Variants in AGO2 observed in about 807,000 individuals in gnomAD.
AGO2 encodes argonaute RISC catalytic component 2, also known as protein argonaute-2.
Under a neutral mutation model 102.3 loss-of-function variants are expected in AGO2, and 5 were observed. The ratio of observed to expected loss-of-function variants is 0.05; its 90% CI spans 0.03 to 0.10. AGO2 has a LOEUF of 0.10. Among genes scored for constraint, AGO2 ranks in the 10% least tolerant of loss-of-function variants. The pLI, the probability that AGO2 is intolerant of heterozygous loss-of-function variation, is 1.00. For missense variants in AGO2, 541 were observed against 1,183.7 expected (o/e 0.46, Z 7.97); for synonymous variants, 449 against 473.1 (o/e 0.95, Z 0.66).
At chr8:140,584,136 T>TAAA (rs11361657) in intron 2 of AGO2, among the ~76,000 whole-genome samples, 4 of 116,992 alleles carry the variant, frequency 3.4e-5, no homozygotes, top group African/African-American at 1.0e-4. Context: ...AGAAACTCAG[T>TAAA]AAAAAAAAAA....
At position 140,557,296 on chromosome 8, in the gene AGO2, C is replaced by T. The variant is rs1223709798; in HGVS notation, c.879-60G>A. 1.3e-6 allele frequency: 2 copies of T among 1,528,172 alleles called. No homozygotes were observed. The highest frequency in any genetic ancestry group is 1.8e-6 in the Non-Finnish European group (2 of 1,137,840). The allele number at this position is 1,528,172 out of a possible 1,614,324, so 94.7% of individuals were successfully genotyped here. A position where few individuals can be genotyped will look rare whatever the true frequency, so the allele number is the denominator to read the frequency against. On this transcript the variant is annotated intron_variant, in intron 7 of 18. Transcript: ENST00000220592. The surrounding 1 kb of genome is among the most constrained non-coding windows in gnomAD (Gnocchi z 5.9). ...TCCCGGAGCCCCTTCCCCTGCGCTG[C>T]TTTTCATTTGCGTTTGCTTTTTAGG...
chr8:140,579,380 G>T (rs78212162), intron 2 of AGO2, among the ~76,000 whole-genome samples: 26,365 of 152,068 alleles, frequency 0.17, 3,015 homozygotes, highest in Admixed American at 0.35. Flanking sequence ...TTATACACAT[G>T]GTATCAAACC....
chr8:140,576,179 TGGTG>T (rs1342158764), intron 2 of AGO2, among the ~76,000 whole-genome samples: 4 of 152,164 alleles, frequency 2.6e-5, no homozygotes, highest in Non-Finnish European at 5.9e-5. Context: ...CTGGGTGTAG[TGGTG>T]GGTACCTGTA....
intron 3 of AGO2, among the ~76,000 whole-genome samples, chr8:140,565,387 C>T (rs370048576): frequency 1.0e-4 from 15 of 148,266 alleles, no homozygotes; most frequent in Admixed American, 6.8e-4. Context: ...TGCAGTGAGC[C>T]GAGATCGCGC....
intron 12 of AGO2, among the ~76,000 whole-genome samples, chr8:140,548,810 C>A (rs1393717151): frequency 3.3e-5 from 5 of 152,174 alleles, no homozygotes; most frequent in Non-Finnish European, 7.4e-5. Context: ...AACAAACGTT[C>A]CCCCATCCAG....
In AGO2 at chr8:140,527,616, C is replaced by T. The variant is rs1389841955; in HGVS notation, c.*4428G>A. 6.6e-6 allele frequency: 1 copy of T among 152,588 alleles called. No homozygotes were observed. The highest frequency in any genetic ancestry group is 1.5e-5 in the Non-Finnish European group (1 of 68,020). 9.5% of individuals were successfully genotyped at this position (152,588 alleles called of 1,614,324 possible). ...GACTGCTGGCACGGCAGCTAGAGTG[C>T]AACTCCTCGGTCACTTTGGGGAAGG... is the stretch of plus-strand genomic sequence containing the variant. On this transcript the variant is annotated 3_prime_UTR_variant, in exon 19 of 19. Transcript: ENST00000220592. The surrounding 1 kb of genome is among the most constrained non-coding windows in gnomAD (Gnocchi z 6.0).
intron 1 of AGO2, among the ~76,000 whole-genome samples, chr8:140,618,234 C>T (rs2074167770): frequency 6.6e-6 from 1 of 151,856 alleles, no homozygotes; most frequent in South Asian, 2.1e-4. Flanking sequence ...GCAGGAGAAT[C>T]GCTTGAACCC....
In AGO2 at chr8:140,520,848, T is replaced by G. The variant is rs2072405946; in HGVS notation, c.*11196A>C. The stretch of plus-strand genomic sequence containing the variant: ...TCTGCTTATAAACACAGTGTCTGCC[T>G]CCTCAGGTGTATTTGGCTAAAGTAT... On this transcript the variant is annotated 3_prime_UTR_variant, in exon 19 of 19. Coordinates refer to ENST00000220592, the MANE Select transcript of AGO2 (RefSeq NM_012154.5). 1 of 152,194 alleles carries G rather than the reference T, an allele frequency of 6.6e-6. No homozygotes were observed. Among genetic ancestry groups the G allele is most frequent in the Non-Finnish European group, 1.5e-5 (1 of 68,030 alleles). 9.4% of individuals were successfully genotyped at this position (152,194 alleles called of 1,614,324 possible). A position where few individuals can be genotyped will look rare whatever the true frequency, so the allele number is the denominator to read the frequency against.
intron 11 of AGO2, among the ~76,000 whole-genome samples, chr8:140,550,067 C>A (rs538995239): frequency 6.6e-6 from 1 of 152,310 alleles, no homozygotes; most frequent in Non-Finnish European, 1.5e-5. Context: ...GGGCCAAGGA[C>A]AAAAGAAGGG....
At chr8:140,588,104 C>A (rs1181323427) in intron 1 of AGO2, among the ~76,000 whole-genome samples, 2 of 152,220 alleles carry the variant, frequency 1.3e-5, no homozygotes, top group Admixed American at 6.5e-5. Flanking sequence ...ACCCCATGGG[C>A]ACCTCCTCCC....
intron 2 of AGO2, among the ~76,000 whole-genome samples, chr8:140,584,874 C>T (rs1315106293): frequency 2.6e-5 from 4 of 151,944 alleles, no homozygotes; most frequent in South Asian, 2.1e-4. Flanking sequence ...TGTGCATTTA[C>T]GATGTATGTA....
intron 2 of AGO2, 70 bp from the exon 3 acceptor site, chr8:140,573,002 T>G: frequency 4.6e-6 from 7 of 1,514,842 alleles, no homozygotes; most frequent in Non-Finnish European, 5.3e-6. Flanking sequence ...GACATTTTTC[T>G]GACGCTATTT....
At position 140,558,520 on chromosome 8, in the gene AGO2, G is replaced by A. The variant is rs779918257; in HGVS notation, c.843C>T (p.Val281=). 2 of 1,614,118 alleles carry A rather than the reference G, an allele frequency of 1.2e-6. No homozygotes were observed. The highest frequency in any genetic ancestry group is 2.2e-5 in the East Asian group (1 of 44,894). The change falls in exon 7 of 19, where the codon GTC becomes GTT. Residue 281 remains valine (V), a synonymous_variant. Transcript: ENST00000220592. Reference sequence around the variant, plus strand: ...TGGCGGGCCGCCGGGTCACATTGCAGACGCGGTACTTCCTCTTCATCTGCC... The same window carrying A: ...TGGCGGGCCGCCGGGTCACATTGCAAACGCGGTACTTCCTCTTCATCTGCC... ...HCGQMKRKYR[V]CNVTRRPASH...
At chr8:140,617,312 G>A (rs770390246) in intron 1 of AGO2, among the ~76,000 whole-genome samples, 2 of 151,904 alleles carry the variant, frequency 1.3e-5, no homozygotes, top group Non-Finnish European at 2.9e-5. Context: ...AGGCTGGGGT[G>A]CAGATCTCAG....
chr8:140,533,306 A>G (rs941658833), intron 17 of AGO2, among the ~76,000 whole-genome samples: 9 of 148,452 alleles, frequency 6.1e-5, no homozygotes, highest in East Asian at 4.2e-4. Context: ...AGAGAATGGC[A>G]TGAACCTGGG....
intron 2 of AGO2, among the ~76,000 whole-genome samples, chr8:140,573,339 T>C (rs2073415275): frequency 6.6e-6 from 1 of 150,924 alleles, no homozygotes; most frequent in Non-Finnish European, 1.5e-5. Flanking sequence ...TTGGCTAATT[T>C]TTTGTATTTT....
rs1047591824 is a variant in AGO2, at chr8:140,527,619, C to A, written c.*4425G>T. ...TGCTGGCACGGCAGCTAGAGTGCAA[C>A]TCCTCGGTCACTTTGGGGAAGGGCT... On this transcript the variant is annotated 3_prime_UTR_variant, in exon 19 of 19. Transcript: ENST00000220592. This position sits in a 1 kb window ranked among gnomAD's most constrained non-coding sequence, Gnocchi z 6.0. 6.6e-6 allele frequency: 1 copy of A among 152,634 alleles called. No homozygotes were observed. Among genetic ancestry groups the A allele is most frequent in the South Asian group, 2.1e-4 (1 of 4,822 alleles). 9.5% of individuals were successfully genotyped at this position (152,634 alleles called of 1,614,324 possible).
chr8:140,635,789 C>CGCGGCG (rs528099474), upstream of AGO2, among the ~76,000 whole-genome samples: 65 of 129,652 alleles, frequency 5.0e-4, no homozygotes, highest in Admixed American at 2.7e-3. Context: ...GGGCGGGGTC[C>CGCGGCG]GCGGCGGCGG....
intron 3 of AGO2, among the ~76,000 whole-genome samples, chr8:140,566,031 T>C (rs1158523396): frequency 2.6e-5 from 4 of 151,096 alleles, no homozygotes; most frequent in African/African-American, 9.8e-5. Flanking sequence ...GAGAAATTGT[T>C]TCAAAAAAAA....
Sources: gnomAD v4.1 joint callset for allele counts (sites outside exome capture counted in the v4.1 genomes callset) on GRCh38, gnomAD v4.1.1 for gene constraint, Gnocchi (gnomAD v3.1) non-coding constraint, MANE v1.5 for transcripts, NCBI Gene and HGNC (gene_info 2026-07-23, HGNC 2026-07-21) for gene names.